The following HERC2 variants were observed in gnomAD, a reference collection of about 807,000 sequenced individuals.
HERC2 encodes the protein E3 ubiquitin-protein ligase HERC2.
A neutral mutation model predicts 537.7 loss-of-function variants in HERC2; 102 were observed. The ratio of observed to expected loss-of-function variants is 0.19; its 90% CI spans 0.16 to 0.22. The LOEUF is 0.22. HERC2 is among the 10% of genes least tolerant of loss of function. HERC2 has a pLI of 1.00. For synonymous variants in HERC2, 2,224 were observed against 2,466.2 expected, an observed-to-expected ratio of 0.90 and a Z score of 2.91; for missense variants, 4,236 against 6,198.2, an observed-to-expected ratio of 0.68 and a Z score of 10.63.
intron 20 of HERC2, among the ~76,000 whole-genome samples, chr15:28,248,998 A>T (rs1263862298): frequency 6.6e-6 from 1 of 152,254 alleles, no homozygotes; most frequent in Non-Finnish European, 1.5e-5. Flanking sequence ...AGCTGCGCGC[A>T]GTGGTCCAAA....
chr15:28,293,019 T>C lies in HERC2; in HGVS notation c.191A>G (p.Asp64Gly), dbSNP rs138445418. 150 of 1,601,448 alleles carry C rather than the reference T, an allele frequency of 9.4e-5. No homozygotes were observed. In the African/African-American group the frequency reaches 1.9e-3, roughly 20 times the overall value. ...QNGELPPRKD[D>G]SVEPSGTKKE... ...CTTTGTTCCACTTGGTTCGACACTATCATCTGCAGAATTAAAAATTTTTTA... is the reference window on the plus strand; with the variant it reads ...CTTTGTTCCACTTGGTTCGACACTACCATCTGCAGAATTAAAAATTTTTTA... The change falls in exon 4 of 93, where the codon GAT becomes GGT. Residue 64 changes from aspartate (D) to glycine (G), a missense_variant. By Grantham distance (94) the Asp-to-Gly change is moderately conservative. Transcript: ENST00000261609.
intron 88 of HERC2, among the ~76,000 whole-genome samples, chr15:28,116,222 C>CTTTTT (rs11365574): frequency 7.9e-6 from 1 of 126,510 alleles, no homozygotes; most frequent in Non-Finnish European, 1.8e-5. Flanking sequence ...TTTTCTTTTT[C>CTTTTT]TTTTTTTTTT....
In HERC2 at chr15:28,131,357, CA is replaced by C. The variant is rs1463919254; in HGVS notation, c.12570+742del. 3.9e-5 allele frequency among the ~76,000 whole-genome samples: 6 copies of C among 152,104 alleles called. No homozygotes were observed. In the East Asian group the frequency reaches 1.2e-3, roughly 29 times the overall value. Reference sequence around the variant, plus strand: ...GGGTCTGCTCCAGAAGCACCTGTGCCACACCTGCAACCCCACAGCCCCACGA... The same window carrying C: ...GGGTCTGCTCCAGAAGCACCTGTGCCCACCTGCAACCCCACAGCCCCACGA... On this transcript the variant is annotated intron_variant, in intron 81 of 92. Coordinates refer to ENST00000261609, the MANE Select transcript of HERC2 (RefSeq NM_004667.6).
At chr15:28,130,697 T>C (rs1890018787) in intron 81 of HERC2, 103 bp from the exon 82 acceptor site, 1 of 859,902 alleles carries the variant, frequency 1.2e-6, no homozygotes, top group Non-Finnish European at 2.0e-6. Flanking sequence ...TTCTGAAAAC[T>C]TGTACCCATG....
intron 83 of HERC2, among the ~76,000 whole-genome samples, chr15:28,126,941 G>A (rs1033134180): frequency 2.0e-5 from 3 of 152,154 alleles, no homozygotes; most frequent in African/African-American, 7.2e-5. Context: ...TTCACCATTC[G>A]CAAGAATCAT....
At chr15:28,192,746 G>C (rs1215555093) in intron 52 of HERC2, among the ~76,000 whole-genome samples, 3 of 152,206 alleles carry the variant, frequency 2.0e-5, no homozygotes, top group African/African-American at 7.2e-5. Flanking sequence ...GCATCACCAG[G>C]TTCCAAGCAA....
At chr15:28,318,604 C>T (rs1483916880) in intron 2 of HERC2, among the ~76,000 whole-genome samples, 5 of 143,218 alleles carry the variant, frequency 3.5e-5, no homozygotes, top group African/African-American at 1.3e-4. Flanking sequence ...GCCTGGGAGA[C>T]AGAGTCAGAC....
intron 11 of HERC2, 52 bp downstream of exon 11, chr15:28,269,196 C>A: frequency 6.7e-7 from 1 of 1,487,956 alleles, no homozygotes; most frequent in Non-Finnish European, 9.2e-7. Context: ...ATCTGTAGGA[C>A]AGACCCTGCC....
chr15:28,319,448 G>A (rs1353217785), intron 2 of HERC2, among the ~76,000 whole-genome samples: 1 of 151,540 alleles, frequency 6.6e-6, no homozygotes, highest in South Asian at 2.1e-4. Flanking sequence ...GGGCATGCAT[G>A]GTGGCACACA....
At chr15:28,282,564 A>G (rs2076046478) in intron 4 of HERC2, among the ~76,000 whole-genome samples, 2 of 152,256 alleles carry the variant, frequency 1.3e-5, no homozygotes, top group South Asian at 4.1e-4. Context: ...ACACAGCAGT[A>G]GAATGGAGGA....
chr15:28,206,799 C>T (rs1459696541), intron 44 of HERC2, among the ~76,000 whole-genome samples: 1 of 132,736 alleles, frequency 7.5e-6, no homozygotes, highest in Non-Finnish European at 1.6e-5. Flanking sequence ...TGCCACTGCA[C>T]TCCAGCCTGG....
intron 52 of HERC2, among the ~76,000 whole-genome samples, chr15:28,193,825 T>C (rs1897079213): frequency 6.6e-6 from 1 of 152,024 alleles, no homozygotes; most frequent in African/African-American, 2.4e-5. Context: ...AAAAAGACTT[T>C]TCAAAAATAA....
At chr15:28,222,635 G>A (rs1200953609) in intron 35 of HERC2, among the ~76,000 whole-genome samples, 1 of 152,172 alleles carries the variant, frequency 6.6e-6, no homozygotes, top group Admixed American at 6.5e-5. Flanking sequence ...GCTGGCCCGA[G>A]ATACAACCTC....
intron 2 of HERC2, among the ~76,000 whole-genome samples, chr15:28,314,794 G>A (rs900069157): frequency 1.3e-5 from 2 of 151,996 alleles, no homozygotes; most frequent in Non-Finnish European, 2.9e-5. Flanking sequence ...CCAGGAGGTG[G>A]AGGTTGCAGT....
rs1158943488 is a variant in HERC2, at chr15:28,177,180, T to G, written c.9255-53A>C. ...CAGTCAATCTGTCCCTTCTTAGAGA[T>G]GAAGGAAAAAAGACATCTATACTGA... is the stretch of plus-strand genomic sequence containing the variant. On this transcript the variant is annotated intron_variant, in intron 60 of 92. Transcript: ENST00000261609. This position sits in a 1 kb window ranked among gnomAD's most constrained non-coding sequence, Gnocchi z 5.0. The G allele has an allele frequency of 1.3e-6, 2 of 1,542,356 alleles. No individual in the cohort carries two copies. The highest frequency in any genetic ancestry group is 1.8e-6 in the Non-Finnish European group (2 of 1,137,284).
intron 55 of HERC2, among the ~76,000 whole-genome samples, chr15:28,187,074 G>A (rs1277839389): frequency 6.6e-6 from 1 of 152,162 alleles, no homozygotes; most frequent in African/African-American, 2.4e-5. Context: ...CTTGAACCAA[G>A]ATGCTTTAAC....
chr15:28,167,576 G>T, intron 68 of HERC2, 111 bp downstream of exon 68: 2 of 1,310,336 alleles, frequency 1.5e-6, no homozygotes, highest in Non-Finnish European at 2.2e-6. Flanking sequence ...GTGGACAGCC[G>T]AGGTGAATGG....
At chr15:28,290,586 T>G (rs2076284651) in intron 4 of HERC2, among the ~76,000 whole-genome samples, 1 of 152,226 alleles carries the variant, frequency 6.6e-6, no homozygotes. Context: ...TTCTGGGGCT[T>G]CAGACAAGCC....
chr15:28,215,785 C>T lies in HERC2; in HGVS notation c.6046G>A (p.Val2016Met). The T allele has an allele frequency of 6.2e-7, 1 of 1,610,456 alleles. No individual in the cohort carries two copies. Among genetic ancestry groups the T allele is most frequent in the Non-Finnish European group, 8.5e-7 (1 of 1,179,144 alleles). ...TDKTSSPNRL[V>M]YREQHRSWCT... ...CAGCTCCGGTGTTGCTCCCTGTACACCAGCCTGTTTGGAGAAGCTGCAGGA... is the reference window on the plus strand; with the variant it reads ...CAGCTCCGGTGTTGCTCCCTGTACATCAGCCTGTTTGGAGAAGCTGCAGGA... Residue 2016 changes from valine to methionine, a missense_variant, in exon 39 of 93, where the codon GTG (valine) becomes ATG (methionine). By Grantham distance (21) the Val-to-Met change is conservative (BLOSUM62 1). This residue lies in a region of HERC2 where 365 missense variants were observed against 468.8 expected (regional missense o/e 0.78). Coordinates refer to ENST00000261609, the MANE Select transcript of HERC2 (RefSeq NM_004667.6).
Sources: gnomAD v4.1 joint callset for allele counts (sites outside exome capture counted in the v4.1 genomes callset) on GRCh38, gnomAD v4.1.1 for gene constraint, gnomAD v4.1.1 regional missense constraint, Gnocchi (gnomAD v3.1) non-coding constraint, MANE v1.5 for transcripts, NCBI Gene and HGNC (gene_info 2026-07-23, HGNC 2026-07-21) for gene names.